RTL4: variants seen among roughly 807,000 people sequenced by gnomAD.
The protein encoded by RTL4 is retrotransposon Gag-like protein 4.
In RTL4, 4 loss-of-function variants were observed where a neutral mutation model predicts 5.3. The observed-to-expected ratio is 0.75, with a 90% confidence interval of 0.37 to 1.72. RTL4 has a LOEUF of 1.72. RTL4 is among the 40% of genes most tolerant of loss of function. The probability of loss-of-function intolerance (pLI) is 0.04; values close to 1 mark genes in which losing one functional copy is unlikely to be tolerated. For synonymous variants in RTL4, 98 were observed against 87.3 expected, an observed-to-expected ratio of 1.12 and a Z score of -0.68; for missense variants, 260 against 227.1, an observed-to-expected ratio of 1.14 and a Z score of -0.93.
the RTL4 span, among the ~76,000 whole-genome samples, chrX:112,393,070 A>G: frequency 2.7e-5 from 3 of 109,744 alleles, no homozygotes; most frequent in Non-Finnish European, 5.7e-5. Context: ...CCCAGTGAAG[A>G]GGAATGGGAT....
chrX:112,150,342 C>T, the RTL4 span, among the ~76,000 whole-genome samples: 1 of 111,655 alleles, frequency 9.0e-6, no homozygotes, highest in Admixed American at 9.5e-5. Flanking sequence ...TTAAAAAACA[C>T]GGCAGAGACC....
chrX:112,408,033 A>G, the RTL4 span, among the ~76,000 whole-genome samples: 9 of 111,933 alleles, frequency 8.0e-5, no homozygotes, highest in Admixed American at 7.6e-4. Context: ...AAGGATGGGT[A>G]GAAACAAGCC....
At chrX:112,283,811 T>C in the RTL4 span, among the ~76,000 whole-genome samples, 3 of 110,747 alleles carry the variant, frequency 2.7e-5, no homozygotes, top group African/African-American at 9.8e-5. Flanking sequence ...ATTTTTATTA[T>C]GCCAACCCTA....
chrX:112,457,087 C>T (rs1926857938), exon 1 of RTL4: 1 of 123,391 alleles, frequency 8.1e-6, no homozygotes, highest in Non-Finnish European at 1.9e-5. Context: ...TCAGTAATCA[C>T]ATATTCCCTA....
the RTL4 span, among the ~76,000 whole-genome samples, chrX:112,326,598 C>T: frequency 8.9e-6 from 1 of 112,077 alleles, no homozygotes; most frequent in Non-Finnish European, 1.9e-5. Flanking sequence ...CACCATTGCC[C>T]AGGCTTGCCT....
the RTL4 span, among the ~76,000 whole-genome samples, chrX:112,415,361 C>G: frequency 2.7e-5 from 1 of 36,933 alleles, no homozygotes; most frequent in East Asian, 1.0e-3. Context: ...GATATTTATC[C>G]TCTTTGTTGT....
At chrX:112,265,783 C>G in the RTL4 span, among the ~76,000 whole-genome samples, 1 of 107,874 alleles carries the variant, frequency 9.3e-6, no homozygotes, top group Non-Finnish European at 1.9e-5. Context: ...TCCCATTTTC[C>G]CCTCCCTTTA....
chrX:112,168,438 T>G, the RTL4 span, among the ~76,000 whole-genome samples: 1 of 111,442 alleles, frequency 9.0e-6, no homozygotes, highest in Non-Finnish European at 1.9e-5. Flanking sequence ...CTGGGTAAAA[T>G]AAGGCTGAGA....
the RTL4 span, among the ~76,000 whole-genome samples, chrX:112,143,117 C>T: frequency 8.1e-5 from 9 of 111,405 alleles, no homozygotes; most frequent in Non-Finnish European, 1.5e-4. Context: ...ACGTGAGCCA[C>T]CGCACCCGGC....
At chrX:112,345,219 G>A in the RTL4 span, among the ~76,000 whole-genome samples, 1 of 111,159 alleles carries the variant, frequency 9.0e-6, no homozygotes, top group African/African-American at 3.3e-5. Flanking sequence ...AGATGATGAC[G>A]TGAGTGCTCT....
chrX:112,367,185 T>C, the RTL4 span, among the ~76,000 whole-genome samples: 7 of 111,496 alleles, frequency 6.3e-5, no homozygotes, highest in African/African-American at 2.3e-4. Context: ...TTCCTTCCCC[T>C]GTAAATAGCA....
chrX:112,448,948 G>T, the RTL4 span, among the ~76,000 whole-genome samples: 2 of 111,975 alleles, frequency 1.8e-5, no homozygotes, highest in Non-Finnish European at 1.9e-5. Flanking sequence ...GATCAAGTGT[G>T]GTTCCTTAAT....
At chrX:112,133,121 G>A in the RTL4 span, among the ~76,000 whole-genome samples, 4 of 111,998 alleles carry the variant, frequency 3.6e-5, no homozygotes, top group Admixed American at 1.9e-4. Context: ...ACAAAGAAGA[G>A]CCAAAACTTC....
the RTL4 span, among the ~76,000 whole-genome samples, chrX:112,138,166 C>T: frequency 8.9e-6 from 1 of 112,241 alleles, no homozygotes; most frequent in South Asian, 3.7e-4. Flanking sequence ...CTGCATCATA[C>T]TACTTATATG....
the RTL4 span, among the ~76,000 whole-genome samples, chrX:112,250,104 G>A: frequency 4.6e-5 from 5 of 109,124 alleles, no homozygotes; most frequent in African/African-American, 1.0e-4. Flanking sequence ...GTGAAACCCC[G>A]TCTCTACTAA....
At chrX:112,161,822 TTC>T in the RTL4 span, among the ~76,000 whole-genome samples, 1 of 43,120 alleles carries the variant, frequency 2.3e-5, no homozygotes, top group African/African-American at 7.5e-5. Context: ...CCTTCCTTCC[TTC>T]CTTCCTTCCT....
the RTL4 span, among the ~76,000 whole-genome samples, chrX:112,083,187 G>C: frequency 8.9e-6 from 1 of 112,580 alleles, no homozygotes; most frequent in African/African-American, 3.2e-5. Flanking sequence ...GGCAGAGACG[G>C]GAGGGGAGGT....
At chrX:112,400,632 G>T in the RTL4 span, among the ~76,000 whole-genome samples, 1 of 111,541 alleles carries the variant, frequency 9.0e-6, no homozygotes, top group Non-Finnish European at 1.9e-5. Flanking sequence ...TTTACTGGAT[G>T]CTGGATATTT....
At chrX:112,228,697 C>T in the RTL4 span, among the ~76,000 whole-genome samples, 1 of 111,849 alleles carries the variant, frequency 8.9e-6, no homozygotes, top group African/African-American at 3.3e-5. Flanking sequence ...TTCCCCTACA[C>T]CCCAGCCTGT....
Sources: allele counts gnomAD v4.1 joint callset (sites outside exome capture counted in the v4.1 genomes callset), GRCh38; gene constraint gnomAD v4.1.1; transcripts MANE v1.5; gene names NCBI Gene and HGNC (gene_info 2026-07-23, HGNC 2026-07-21).